CAMTA1: variants seen among roughly 807,000 people sequenced by gnomAD.
The protein encoded by CAMTA1 is calmodulin binding transcription activator 1.
Under a neutral mutation model 170.9 loss-of-function variants are expected in CAMTA1, and 27 were observed. The ratio of observed to expected loss-of-function variants is 0.16; its 90% CI spans 0.12 to 0.22. The LOEUF (loss-of-function observed/expected upper bound fraction) is 0.22, where lower values mean the gene tolerates loss of function less well. CAMTA1 is among the 10% of genes least tolerant of loss of function. The probability of loss-of-function intolerance (pLI) is 1.00; values close to 1 mark genes in which losing one functional copy is unlikely to be tolerated. For missense variants in CAMTA1, 1,619 were observed against 2,217.2 expected (o/e 0.73, Z 5.42); for synonymous variants, 833 against 891.5 (o/e 0.93, Z 1.17).
At chr1:7,615,941 G>A (rs2095556054) in intron 6 of CAMTA1, among the ~76,000 whole-genome samples, 2 of 152,170 alleles carry the variant, frequency 1.3e-5, no homozygotes, top group Non-Finnish European at 2.9e-5. Flanking sequence ...AGCTCTTTGT[G>A]GAATGTTTTA....
chr1:7,101,738 A>G (rs190354826), intron 4 of CAMTA1, among the ~76,000 whole-genome samples: 1 of 152,344 alleles, frequency 6.6e-6, no homozygotes, highest in East Asian at 1.9e-4. Flanking sequence ...TAGATACACA[A>G]CTACACATGT....
intron 3 of CAMTA1, among the ~76,000 whole-genome samples, chr1:7,020,740 A>C (rs1245694685): frequency 6.6e-6 from 1 of 152,206 alleles, no homozygotes; most frequent in Non-Finnish European, 1.5e-5. Context: ...AGATGATGAC[A>C]TGGGGAAGGA....
chr1:7,563,968 G>C (rs536382725), intron 6 of CAMTA1, among the ~76,000 whole-genome samples: 19 of 152,168 alleles, frequency 1.2e-4, no homozygotes, highest in Non-Finnish European at 2.4e-4. Flanking sequence ...GGGCTGGGTG[G>C]GGGGTAGACA....
At chr1:7,352,065 G>A (rs1037827466) in intron 5 of CAMTA1, among the ~76,000 whole-genome samples, 5 of 152,274 alleles carry the variant, frequency 3.3e-5, no homozygotes, top group East Asian at 3.9e-4. Context: ...AGTCACTGCC[G>A]TTGAGATAAG....
intron 4 of CAMTA1, among the ~76,000 whole-genome samples, chr1:7,228,606 C>G (rs1478038550): frequency 1.3e-5 from 2 of 152,180 alleles, no homozygotes; most frequent in Non-Finnish European, 2.9e-5. Context: ...GGGTTTTCAG[C>G]CCTCTGGGGA....
intron 3 of CAMTA1, among the ~76,000 whole-genome samples, chr1:6,855,823 C>T (rs1662119144): frequency 6.6e-6 from 1 of 152,162 alleles, no homozygotes; most frequent in South Asian, 2.1e-4. Flanking sequence ...GCAACTGCTG[C>T]CCCTGGGGCT....
Position 7,439,478 on chromosome 1 carries a change from C to T in CAMTA1, c.439-28352C>T, listed in dbSNP as rs191762504. ...TCCTGCCTCACTGCGACTCTGCCAC[C>T]TGATGCCTCCATGGAGGGTCGATTC... On this transcript the variant is annotated intron_variant, in intron 5 of 22. Transcript: ENST00000303635. 5.7e-3 allele frequency among the ~76,000 whole-genome samples: 861 copies of T among 152,318 alleles called. 12 individuals carry two copies. The highest frequency in any genetic ancestry group is 0.019 in the African/African-American group (806 of 41,576).
intron 11 of CAMTA1, among the ~76,000 whole-genome samples, chr1:7,708,365 G>A (rs1436555505): frequency 6.6e-6 from 1 of 151,872 alleles, no homozygotes; most frequent in African/African-American, 2.4e-5. Flanking sequence ...AGGCGTGGTG[G>A]CTTTCACCTC....
At chr1:7,276,586 G>A (rs1209046992) in intron 5 of CAMTA1, among the ~76,000 whole-genome samples, 1 of 151,876 alleles carries the variant, frequency 6.6e-6, no homozygotes, top group Non-Finnish European at 1.5e-5. Context: ...TGGGATTACA[G>A]GTGTGAGTCA....
chr1:6,849,308 T>C (rs1375041519), intron 3 of CAMTA1, among the ~76,000 whole-genome samples: 1 of 152,038 alleles, frequency 6.6e-6, no homozygotes, highest in Non-Finnish European at 1.5e-5. Flanking sequence ...TAGAAAGCAG[T>C]TGGATGTAGA....
intron 5 of CAMTA1, among the ~76,000 whole-genome samples, chr1:7,464,853 C>A (rs757315411): frequency 1.4e-4 from 21 of 152,010 alleles, no homozygotes; most frequent in Non-Finnish European, 2.6e-4. Flanking sequence ...TGCAGCCTGG[C>A]AGGACAAGGA....
At chr1:7,624,839 C>T (rs193002108) in intron 6 of CAMTA1, among the ~76,000 whole-genome samples, 1 of 152,314 alleles carries the variant, frequency 6.6e-6, no homozygotes, top group East Asian at 1.9e-4. Flanking sequence ...AGGAGAGACA[C>T]AGAGGACTGT....
chr1:7,367,335 A>T (rs2150024101), intron 5 of CAMTA1, among the ~76,000 whole-genome samples: 1 of 152,362 alleles, frequency 6.6e-6, no homozygotes, highest in East Asian at 1.9e-4. Flanking sequence ...AAAGGAGACC[A>T]GACTGCCCCC....
intron 6 of CAMTA1, among the ~76,000 whole-genome samples, chr1:7,473,470 C>T: frequency 6.6e-6 from 1 of 152,188 alleles, no homozygotes; most frequent in East Asian, 1.9e-4. Flanking sequence ...TCTGGAGTTC[C>T]ATACTCAGGC....
intron 1 of CAMTA1, among the ~76,000 whole-genome samples, chr1:6,797,041 A>T (rs928282170): frequency 6.6e-6 from 1 of 152,202 alleles, no homozygotes; most frequent in South Asian, 2.1e-4. Flanking sequence ...TCAAGCTGCA[A>T]CCACTTTGAT....
At chr1:7,266,550 C>A (rs1452374173) in intron 5 of CAMTA1, among the ~76,000 whole-genome samples, 3 of 152,240 alleles carry the variant, frequency 2.0e-5, no homozygotes, top group Non-Finnish European at 4.4e-5. Context: ...CAGATAGGTT[C>A]TTCACCCTCT....
At chr1:7,452,818 G>C (rs1430774326) in intron 5 of CAMTA1, among the ~76,000 whole-genome samples, 1 of 152,212 alleles carries the variant, frequency 6.6e-6, no homozygotes, top group East Asian at 1.9e-4. Flanking sequence ...TGCCACTGTA[G>C]ATATGTGTGT....
intron 6 of CAMTA1, among the ~76,000 whole-genome samples, chr1:7,582,316 A>G (rs1034853327): frequency 2.6e-5 from 4 of 152,212 alleles, no homozygotes; most frequent in African/African-American, 9.6e-5. Context: ...TGATTTCCTA[A>G]ATCCTCTCCT....
At chr1:7,763,356 T>A (rs2096990523) in intron 22 of CAMTA1, among the ~76,000 whole-genome samples, 1 of 152,240 alleles carries the variant, frequency 6.6e-6, no homozygotes, top group South Asian at 2.1e-4. Context: ...GATAACTTTA[T>A]CATGAAGCTA....
Sources: gnomAD v4.1 joint callset for allele counts (sites outside exome capture counted in the v4.1 genomes callset) on GRCh38, gnomAD v4.1.1 for gene constraint, MANE v1.5 for transcripts, NCBI Gene and HGNC (gene_info 2026-07-23, HGNC 2026-07-21) for gene names.